The following PHC3 variants were observed in gnomAD, a reference collection of about 807,000 sequenced individuals.
The protein encoded by PHC3 is polyhomeotic homolog 3.
Under a neutral mutation model 107.4 loss-of-function variants are expected in PHC3, and 13 were observed. That is an observed-to-expected ratio of 0.12 (90% CI 0.08 to 0.19). The LOEUF is 0.19. Among genes scored for constraint, PHC3 ranks in the 10% least tolerant of loss-of-function variants. The pLI is 1.00. For missense variants in PHC3, 992 were observed against 1,210.9 expected (o/e 0.82, Z 2.68); for synonymous variants, 456 against 427.4 (o/e 1.07, Z -0.83).
At chr3:170,123,171 T>C (rs184096913) in intron 8 of PHC3, among the ~76,000 whole-genome samples, 169 of 152,310 alleles carry the variant, frequency 1.1e-3, no homozygotes, top group African/African-American at 4.0e-3. Context: ...TATTAGGACA[T>C]GTAGGATTCT....
chr3:170,151,796 A>G (rs1726029265), intron 4 of PHC3, among the ~76,000 whole-genome samples: 1 of 152,164 alleles, frequency 6.6e-6, no homozygotes, highest in Non-Finnish European at 1.5e-5. Context: ...TACACCAGGT[A>G]GGGGTATAGA....
chr3:170,116,492 G>A (rs1338183122), intron 10 of PHC3, among the ~76,000 whole-genome samples: 2 of 152,060 alleles, frequency 1.3e-5, no homozygotes, highest in Admixed American at 1.3e-4. Context: ...ACCTAAACCT[G>A]GGAGGCAGAG....
At chr3:170,163,062 G>A (rs1728148623) in intron 4 of PHC3, among the ~76,000 whole-genome samples, 1 of 151,694 alleles carries the variant, frequency 6.6e-6, no homozygotes, top group Non-Finnish European at 1.5e-5. Flanking sequence ...TTTAATGTTC[G>A]TCTATCCCTA....
chr3:170,097,218 T>C lies in PHC3; in HGVS notation c.*12A>G. 6.3e-7 allele frequency: 1 copy of C among 1,593,564 alleles called. No individual in the cohort carries two copies. The highest frequency in any genetic ancestry group is 1.7e-4 in the Middle Eastern group (1 of 5,946). On this transcript the variant is annotated 3_prime_UTR_variant, in exon 15 of 15. Coordinates refer to ENST00000495893, the MANE Select transcript of PHC3 (RefSeq NM_024947.4). This position sits in a 1 kb window ranked among gnomAD's most constrained non-coding sequence, Gnocchi z 4.1. ...AGTAAAACTGCTGTTTTATCAAGGC[T>C]TCATGTTCCTGTTAAGATTCCTTCA...
chr3:170,172,568 C>A lies in PHC3; in HGVS notation c.325G>T (p.Ala109Ser), dbSNP rs769925086. ...TATTTTAGTCTTACCTGAACAGCAG[C>A]AAGGCTCTGAAGCTGGGAGCTGCTT... ...HLSSSQLQSL[A>S]AVQASLSSGR... Residue 109 changes from alanine to serine, a missense_variant, in exon 3 of 15, where the codon GCT becomes TCT. Ala to Ser is a moderately conservative substitution (Grantham distance 99). Coordinates refer to ENST00000495893, the MANE Select transcript of PHC3 (RefSeq NM_024947.4). 5 of 1,612,952 alleles carry A rather than the reference C, an allele frequency of 3.1e-6. No homozygotes were observed. Among genetic ancestry groups the A allele is most frequent in the Non-Finnish European group, 4.2e-6 (5 of 1,179,664 alleles).
At chr3:170,121,447 C>T (rs138869206) in intron 9 of PHC3, among the ~76,000 whole-genome samples, 1,851 of 152,226 alleles carry the variant, frequency 0.012, 40 homozygotes, top group African/African-American at 0.042. Context: ...TACACAGTAG[C>T]TTTGTGAGGA....
intron 4 of PHC3, among the ~76,000 whole-genome samples, chr3:170,154,258 T>C (rs1173632735): frequency 6.6e-6 from 1 of 152,234 alleles, no homozygotes; most frequent in Non-Finnish European, 1.5e-5. Context: ...ATTTCATATT[T>C]TAAGGCATAT....
intron 14 of PHC3, among the ~76,000 whole-genome samples, chr3:170,100,572 G>A (rs1449612227): frequency 6.6e-6 from 1 of 152,148 alleles, no homozygotes. Context: ...TATAATAGCT[G>A]TGTCCTTTTT....
intron 4 of PHC3, chr3:170,150,699 C>T (rs544247551): frequency 4.7e-5 from 20 of 423,002 alleles, no homozygotes; most frequent in Admixed American, 1.0e-4. Flanking sequence ...GGCGACAGAG[C>T]GACACTCCAT....
At chr3:170,130,908 G>C (rs771023971) in intron 7 of PHC3, among the ~76,000 whole-genome samples, 2 of 151,824 alleles carry the variant, frequency 1.3e-5, no homozygotes, top group African/African-American at 4.8e-5. Flanking sequence ...TAAAGACAGG[G>C]CAATTTTTTT....
chr3:170,181,595 T>A, intron 1 of PHC3, 107 bp downstream of exon 1: 1 of 1,544,432 alleles, frequency 6.5e-7, no homozygotes, highest in East Asian at 2.3e-5. Context: ...AGTCTCTCTT[T>A]CCCCACACTG....
chr3:170,130,718 A>G (rs1259315688), intron 7 of PHC3, among the ~76,000 whole-genome samples: 1 of 152,244 alleles, frequency 6.6e-6, no homozygotes, highest in African/African-American at 2.4e-5. Context: ...GAATTAGCAC[A>G]GTCAAGTGGT....
intron 8 of PHC3, among the ~76,000 whole-genome samples, chr3:170,126,473 G>A (rs1369204484): frequency 2.9e-5 from 4 of 137,164 alleles, no homozygotes; most frequent in Admixed American, 2.9e-4. Context: ...AATATTTTTG[G>A]CTTTAGTTTT....
chr3:170,107,068 A>C (rs1246598820), intron 11 of PHC3, 122 bp from the exon 12 acceptor site: 83 of 567,008 alleles, frequency 1.5e-4, no homozygotes. Flanking sequence ...TTTTCAATCC[A>C]CAGCCACTCT....
chr3:170,131,697 G>C (rs1278084408), intron 7 of PHC3, among the ~76,000 whole-genome samples: 1 of 152,076 alleles, frequency 6.6e-6, no homozygotes, highest in East Asian at 1.9e-4. Flanking sequence ...AGCCGGGCTT[G>C]GTAACACACG....
intron 6 of PHC3, among the ~76,000 whole-genome samples, chr3:170,139,677 T>C (rs1723716341): frequency 6.6e-6 from 1 of 152,216 alleles, no homozygotes; most frequent in African/African-American, 2.4e-5. Flanking sequence ...ATATATATTT[T>C]AGAATATGGT....
At chr3:170,141,571 C>G (rs760616798) in intron 6 of PHC3, among the ~76,000 whole-genome samples, 18 of 152,134 alleles carry the variant, frequency 1.2e-4, no homozygotes, top group Non-Finnish European at 2.2e-4. Flanking sequence ...TCCTAAGCAG[C>G]TGGTTTGTTT....
chr3:170,133,725 C>CTGGA (rs1722617258), intron 7 of PHC3, among the ~76,000 whole-genome samples: 1 of 152,048 alleles, frequency 6.6e-6, no homozygotes, highest in African/African-American at 2.4e-5. Context: ...TACTGGTTTC[C>CTGGA]TCCATACTTA....
chr3:170,179,850 G>A (rs989186529), intron 1 of PHC3, among the ~76,000 whole-genome samples: 1 of 152,092 alleles, frequency 6.6e-6, no homozygotes, highest in Non-Finnish European at 1.5e-5. Context: ...TTTTTGTCGG[G>A]CCAGAAATGT....
Sources: allele counts gnomAD v4.1 joint callset (sites outside exome capture counted in the v4.1 genomes callset), GRCh38; gene constraint gnomAD v4.1.1; non-coding constraint Gnocchi (gnomAD v3.1); transcripts MANE v1.5; gene names NCBI Gene and HGNC (gene_info 2026-07-23, HGNC 2026-07-21).